AP5M1: variants seen among roughly 807,000 people sequenced by gnomAD.
AP5M1 encodes AP-5 complex subunit mu-1.
In AP5M1, 44 loss-of-function variants were observed where a neutral mutation model predicts 52.3. The observed-to-expected ratio is 0.84, with a 90% confidence interval of 0.66 to 1.08. AP5M1 has a LOEUF of 1.08. Ranked by LOEUF, AP5M1 falls within the 50% of genes least tolerant of loss-of-function variation. AP5M1 has a pLI of 0.00. For missense variants in AP5M1, 526 were observed against 568.4 expected, an observed-to-expected ratio of 0.93 and a Z score of 0.76; for synonymous variants, 213 against 199.0, an observed-to-expected ratio of 1.07 and a Z score of -0.59.
chr14:57,273,005 C>T (rs1220776594), intron 1 of AP5M1, among the ~76,000 whole-genome samples: 1 of 151,926 alleles, frequency 6.6e-6, no homozygotes, highest in Non-Finnish European at 1.5e-5. Context: ...CGGCTCGGCT[C>T]GGCTCGGCTC....
At chr14:57,280,450 T>G in intron 3 of AP5M1, 28 bp downstream of exon 3, 1 of 1,427,958 alleles carries the variant, frequency 7.0e-7, no homozygotes, top group Non-Finnish European at 9.9e-7. Flanking sequence ...GTTGAGAGTT[T>G]GCTGATCTTT....
At chr14:57,285,847 CG>C (rs1421147994) in intron 6 of AP5M1, among the ~76,000 whole-genome samples, 1 of 152,072 alleles carries the variant, frequency 6.6e-6, no homozygotes, top group African/African-American at 2.4e-5. Context: ...CTTTTGGAGT[CG>C]GTAAGGTCTG....
intron 2 of AP5M1, chr14:57,275,438 AAGAGAGAAG>A (rs200558386): frequency 0.013 from 1,947 of 149,130 alleles, 92 homozygotes; most frequent in Admixed American, 0.089. Context: ...AGAGAGAGAG[AAGAGAGAAG>A]AGAGAGAAGA....
In AP5M1 at chr14:57,269,389, G is replaced by GT; in HGVS notation, c.74+2dup. On this transcript the variant is annotated splice_donor_variant, in intron 1 of 7. Transcript: ENST00000261558. LOFTEE classifies it high-confidence loss of function. ...TTTGTGGCACCGTGAGATTCTCCAGGTAAATGCAAATCTGAATCCTCAGGG... is the reference window on the plus strand; with the variant it reads ...TTTGTGGCACCGTGAGATTCTCCAGGTTAAATGCAAATCTGAATCCTCAGGG... 1.2e-6 allele frequency: 2 copies of GT among 1,614,064 alleles called. No homozygotes were observed. The highest frequency in any genetic ancestry group is 1.7e-6 in the Non-Finnish European group (2 of 1,179,940).
At position 57,293,779 on chromosome 14, in the gene AP5M1, G is replaced by A. The variant is rs970478482; in HGVS notation, c.*4895G>A. The A allele has an allele frequency of 6.6e-6, 1 of 151,640 alleles. No homozygotes were observed. Among genetic ancestry groups the A allele is most frequent in the African/African-American group, 2.4e-5 (1 of 41,384 alleles). 9.4% of individuals were successfully genotyped at this position (151,640 alleles called of 1,614,324 possible). On this transcript the variant is annotated 3_prime_UTR_variant, in exon 8 of 8. Coordinates refer to ENST00000261558, the MANE Select transcript of AP5M1 (RefSeq NM_018229.4). ...ATTTACGTAAATGTGTACAACACTA[G>A]TGTGTCTGACTTGGTGGGTTTCCCT... is the stretch of plus-strand genomic sequence containing the variant.
At position 57,274,752 on chromosome 14, in the gene AP5M1, C is replaced by G. The variant is rs375727458; in HGVS notation, c.583C>G (p.Gln195Glu). ...NFASVTQPQK[Q>E]PAWKTGTYKG... ...TGCATCTGTGACTCAGCCACAGAAA[C>G]AGCCAGCTTGGAAAACTGGGACGTA... Residue 195 changes from glutamine (Q) to glutamate (E), a missense_variant, in exon 2 of 8, where the codon CAG (glutamine) becomes GAG (glutamate). Physicochemically the swap from Gln to Glu is conservative, Grantham distance 29. This residue lies in a region of AP5M1 where 425 missense variants were observed against 430.6 expected (regional missense o/e 0.99). Transcript: ENST00000261558. 1 of 1,614,176 alleles carries G rather than the reference C, an allele frequency of 6.2e-7. No homozygotes were observed. The highest frequency in any genetic ancestry group is 8.5e-7 in the Non-Finnish European group (1 of 1,180,024).
intron 2 of AP5M1, among the ~76,000 whole-genome samples, chr14:57,279,470 G>C (rs1289523255): frequency 1.3e-5 from 2 of 152,174 alleles, no homozygotes; most frequent in African/African-American, 4.8e-5. Flanking sequence ...ATAAGTGGGA[G>C]CTGAATGACG....
rs745558945 is a variant in AP5M1 at position 57,274,462 on chromosome 14, C to G, written c.293C>G (p.Ala98Gly). ...IGGEELWPVV[A>G]FLKNDMIYAC... Reference sequence around the variant, plus strand: ...GGTGAAGAACTCTGGCCAGTTGTTGCTTTTCTGAAGAATGACATGATATAT... The same window carrying G: ...GGTGAAGAACTCTGGCCAGTTGTTGGTTTTCTGAAGAATGACATGATATAT... The change falls in exon 2 of 8, where the codon GCT (alanine) becomes GGT (glycine). Residue 98 changes from alanine (A) to glycine (G), a missense_variant. By Grantham distance (60) the Ala-to-Gly change is moderately conservative (BLOSUM62 0). Around this residue, in one of 3 missense-constraint regions of AP5M1, gnomAD observed 425 missense variants for 430.6 expected, o/e 0.99. Coordinates refer to ENST00000261558, the MANE Select transcript of AP5M1 (RefSeq NM_018229.4). The G allele has an allele frequency of 1.7e-5, 28 of 1,614,050 alleles. 1 individual carries two copies. The South Asian group carries it at 2.5e-4, about 15-fold the overall frequency.
In AP5M1 at chr14:57,289,088, C is replaced by T. The variant is rs1566520723; in HGVS notation, c.*204C>T. The T allele has an allele frequency of 2.2e-5, 8 of 361,428 alleles. No individual in the cohort carries two copies. Among genetic ancestry groups the T allele is most frequent in the Admixed American group, 4.9e-5 (1 of 20,210 alleles). The allele number at this position is 361,428 out of a possible 1,614,324, so 22.4% of individuals were successfully genotyped here. On this transcript the variant is annotated 3_prime_UTR_variant, in exon 8 of 8. Coordinates refer to ENST00000261558, the MANE Select transcript of AP5M1 (RefSeq NM_018229.4). ...TAATGTCTCCAATTTTGTTAACCTT[C>T]GATTTTATGCCAGTATAATTCAGAA... is the stretch of plus-strand genomic sequence containing the variant.
chr14:57,279,121 C>T (rs999713386), intron 2 of AP5M1, among the ~76,000 whole-genome samples: 7 of 152,098 alleles, frequency 4.6e-5, no homozygotes, highest in South Asian at 4.1e-4. Flanking sequence ...AAGACTGTGG[C>T]GATTCCTCAA....
At chr14:57,280,066 A>G in intron 2 of AP5M1, 129 bp from the exon 3 acceptor site, 1 of 729,990 alleles carries the variant, frequency 1.4e-6, no homozygotes, top group Non-Finnish European at 2.4e-6. Context: ...AAGAACACAG[A>G]AAGCAAAGAG....
chr14:57,269,861 T>C (rs1884836791), intron 1 of AP5M1, among the ~76,000 whole-genome samples: 1 of 152,234 alleles, frequency 6.6e-6, no homozygotes. Flanking sequence ...CAGGCTAGAG[T>C]GCAGTGGTGC....
Position 57,291,723 on chromosome 14 carries a change from T to C in AP5M1, c.*2839T>C, listed in dbSNP as rs1885439286. On this transcript the variant is annotated 3_prime_UTR_variant, in exon 8 of 8. Transcript: ENST00000261558. ...GTTAAAATTATGGTGTTTTTATACA[T>C]TGTATGATTTAAGATCTTTCAAGGC... 6.6e-6 allele frequency: 1 copy of C among 151,912 alleles called. No homozygotes were observed. The highest frequency in any genetic ancestry group is 2.4e-5 in the African/African-American group (1 of 41,402). 9.4% of individuals were successfully genotyped at this position (151,912 alleles called of 1,614,324 possible). A position where few individuals can be genotyped will look rare whatever the true frequency, so the allele number is the denominator to read the frequency against.
rs1338423291 is a variant in AP5M1 at position 57,298,200 on chromosome 14, A to G, written c.*9316A>G. On this transcript the variant is annotated 3_prime_UTR_variant, in exon 8 of 8. Transcript: ENST00000261558. ...AGTCAATCCTGATTTTGTTTGGCATAATGAGACCTGATATGCTATGACTCT... is the reference window on the plus strand; with the variant it reads ...AGTCAATCCTGATTTTGTTTGGCATGATGAGACCTGATATGCTATGACTCT... 6.6e-6 allele frequency: 1 copy of G among 152,154 alleles called. No homozygotes were observed. The highest frequency in any genetic ancestry group is 2.4e-5 in the African/African-American group (1 of 41,444). The allele number at this position is 152,154 out of a possible 1,614,324, so 9.4% of individuals were successfully genotyped here.
intron 2 of AP5M1, 186 bp downstream of exon 2, chr14:57,275,075 G>A (rs1408984600): frequency 3.1e-6 from 2 of 640,328 alleles, no homozygotes; most frequent in East Asian, 2.8e-5. Flanking sequence ...AGTTATCTGT[G>A]GCTGTGTAAA....
chr14:57,297,765 T>C lies in AP5M1; in HGVS notation c.*8881T>C, dbSNP rs1885581900. The C allele has an allele frequency of 6.6e-6, 1 of 152,166 alleles. No homozygotes were observed. The allele number at this position is 152,166 out of a possible 1,614,324, so 9.4% of individuals were successfully genotyped here. A position where few individuals can be genotyped will look rare whatever the true frequency, so the allele number is the denominator to read the frequency against. ...CCAGAAACACAAAAGCAGCTTAGTG[T>C]TGATTTAATGAAGTAGCAAAATGTT... On this transcript the variant is annotated 3_prime_UTR_variant, in exon 8 of 8. Coordinates refer to ENST00000261558, the MANE Select transcript of AP5M1 (RefSeq NM_018229.4).
chr14:57,281,919 C>T (rs1189531601), intron 3 of AP5M1, among the ~76,000 whole-genome samples, 170 bp from the exon 4 acceptor site: 3 of 152,142 alleles, frequency 2.0e-5, no homozygotes, highest in Non-Finnish European at 4.4e-5. Context: ...TCTCCGAAAA[C>T]AAAGAGAGAA....
chr14:57,282,182 A>G lies in AP5M1; in HGVS notation c.1042A>G (p.Lys348Glu). Residue 348 changes from lysine to glutamate, a missense_variant, in exon 4 of 8, where the codon AAA becomes GAA. This residue lies in a region of AP5M1 where 425 missense variants were observed against 430.6 expected (regional missense o/e 0.99). Transcript: ENST00000261558. The part of the protein sequence containing the change: ...TINLKLHESV[K>E]NNFEFCEAHI... ...TAATTTAAAACTTCATGAAAGTGTG[A>G]AAAATAATTTTGAATTCTGTGAAGC... The G allele has an allele frequency of 1.9e-6, 3 of 1,576,152 alleles. No individual in the cohort carries two copies. The highest frequency in any genetic ancestry group is 2.6e-6 in the Non-Finnish European group (3 of 1,165,794).
chr14:57,275,882 C>T lies in AP5M1; in HGVS notation c.720+993C>T, dbSNP rs111841914. Among the ~76,000 whole-genome samples, 464 of 152,236 alleles carry T rather than the reference C, an allele frequency of 3.0e-3. 3 individuals are homozygous for T. Among genetic ancestry groups the T allele is most frequent in the African/African-American group, 0.01 (424 of 41,558 alleles). On this transcript the variant is annotated intron_variant, in intron 2 of 7. Transcript: ENST00000261558. ...AAATAAAATCCTCCAGGTAAACTTCCTACAAGTTTATATTAATAGTATTCT... is the reference window on the plus strand; with the variant it reads ...AAATAAAATCCTCCAGGTAAACTTCTTACAAGTTTATATTAATAGTATTCT...
Sources: gnomAD v4.1 joint callset for allele counts (sites outside exome capture counted in the v4.1 genomes callset) on GRCh38, gnomAD v4.1.1 for gene constraint, gnomAD v4.1.1 regional missense constraint, MANE v1.5 for transcripts, NCBI Gene and HGNC (gene_info 2026-07-23, HGNC 2026-07-21) for gene names.